Variants in NCOA1 observed in about 807,000 individuals in gnomAD.
NCOA1 encodes the protein Hin-2 protein.
A neutral mutation model predicts 150.9 loss-of-function variants in NCOA1; 35 were observed. The observed-to-expected ratio is 0.23, with a 90% confidence interval of 0.18 to 0.31. The LOEUF (loss-of-function observed/expected upper bound fraction) is 0.31. NCOA1 is among the 10% of genes least tolerant of loss of function. The probability of loss-of-function intolerance (pLI) is 1.00; values close to 1 mark genes in which losing one functional copy is unlikely to be tolerated. For missense variants in NCOA1, 1,491 were observed against 1,749.3 expected, an observed-to-expected ratio of 0.85 and a Z score of 2.63; for synonymous variants, 590 against 630.0, an observed-to-expected ratio of 0.94 and a Z score of 0.95.
chr2:24,658,350 T>G (rs982690616), intron 4 of NCOA1, among the ~76,000 whole-genome samples: 4 of 152,236 alleles, frequency 2.6e-5, no homozygotes, highest in African/African-American at 7.2e-5. Context: ...AAATGATTAT[T>G]TTCTCTTTGG....
intron 1 of NCOA1, among the ~76,000 whole-genome samples, chr2:24,531,196 T>A (rs1228042424): frequency 6.6e-6 from 1 of 152,046 alleles, no homozygotes; most frequent in East Asian, 1.9e-4. Context: ...CTAAAGAAAT[T>A]AAAAATAGAA....
intron 3 of NCOA1, among the ~76,000 whole-genome samples, chr2:24,637,538 G>A (rs374411934): frequency 6.6e-6 from 1 of 151,822 alleles, no homozygotes; most frequent in Non-Finnish European, 1.5e-5. Context: ...CATGTCCTTT[G>A]TAGGGACATG....
chr2:24,679,114 T>C (rs1044795204), intron 7 of NCOA1, among the ~76,000 whole-genome samples: 1 of 152,256 alleles, frequency 6.6e-6, no homozygotes, highest in African/African-American at 2.4e-5. Context: ...TGTGAACCCT[T>C]CCGTGTGACA....
intron 14 of NCOA1, among the ~76,000 whole-genome samples, chr2:24,725,708 A>AGTGTGT (rs1190323239): frequency 3.8e-5 from 3 of 78,218 alleles, no homozygotes; most frequent in African/African-American, 1.1e-4. Flanking sequence ...GTGGACCTAA[A>AGTGTGT]GTGTGCGTGT....
chr2:24,728,560 ACC>A, intron 16 of NCOA1, 84 bp downstream of exon 16: 1 of 1,185,234 alleles, frequency 8.4e-7, no homozygotes, highest in Non-Finnish European at 1.2e-6. Flanking sequence ...AAAGTATTGT[ACC>A]CACTATGCTT....
At chr2:24,632,457 A>T (rs1669749606) in intron 3 of NCOA1, among the ~76,000 whole-genome samples, 1 of 152,172 alleles carries the variant, frequency 6.6e-6, no homozygotes, top group South Asian at 2.1e-4. Flanking sequence ...CATCCTGACA[A>T]GTGGGAGGCT....
intron 1 of NCOA1, among the ~76,000 whole-genome samples, chr2:24,537,869 A>G (rs866006811): frequency 2.5e-4 from 38 of 152,182 alleles, no homozygotes; most frequent in African/African-American, 9.2e-4. Context: ...CTTGTTAAAA[A>G]AAGAAAACTA....
chr2:24,510,284 T>G (rs1663879285), intron 1 of NCOA1, among the ~76,000 whole-genome samples: 1 of 152,216 alleles, frequency 6.6e-6, no homozygotes, highest in Non-Finnish European at 1.5e-5. Context: ...CTCCTGACTT[T>G]AAGTGATCCG....
chr2:24,621,055 C>T (rs1669127853), intron 3 of NCOA1, among the ~76,000 whole-genome samples: 2 of 152,042 alleles, frequency 1.3e-5, no homozygotes, highest in South Asian at 4.1e-4. Context: ...TTTCCTTATT[C>T]CTTCTTTGGA....
intron 3 of NCOA1, among the ~76,000 whole-genome samples, chr2:24,636,234 G>A (rs1669934284): frequency 6.6e-6 from 1 of 152,108 alleles, no homozygotes; most frequent in South Asian, 2.1e-4. Flanking sequence ...CCATGAACAT[G>A]TTAAACCACT....
chr2:24,701,447 C>A (rs192502793), intron 11 of NCOA1, among the ~76,000 whole-genome samples: 132 of 148,008 alleles, frequency 8.9e-4, no homozygotes, highest in African/African-American at 3.2e-3. Context: ...GTGAAGACTT[C>A]AGTTAGCCTT....
chr2:24,581,879 G>GA (rs1021840401), intron 2 of NCOA1, among the ~76,000 whole-genome samples: 13 of 152,200 alleles, frequency 8.5e-5, no homozygotes, highest in East Asian at 5.8e-4. Flanking sequence ...AAAAGATGTA[G>GA]AAAAAATCAT....
chr2:24,514,405 A>T (rs1423278037), intron 1 of NCOA1, among the ~76,000 whole-genome samples: 1 of 152,092 alleles, frequency 6.6e-6, no homozygotes, highest in South Asian at 2.1e-4. Flanking sequence ...ATATTACTCG[A>T]TTAAGCTCTA....
At chr2:24,538,292 T>TA (rs2148186954) in intron 1 of NCOA1, among the ~76,000 whole-genome samples, 1 of 152,328 alleles carries the variant, frequency 6.6e-6, no homozygotes, top group African/African-American at 2.4e-5. Flanking sequence ...AGAATGCTCA[T>TA]AGACTAAAAT....
Position 24,707,068 on chromosome 2 carries a change from A to G in NCOA1, c.1598A>G (p.Tyr533Cys). 1.2e-6 allele frequency: 2 copies of G among 1,614,216 alleles called. No homozygotes were observed. Among genetic ancestry groups the G allele is most frequent in the Non-Finnish European group, 8.5e-7 (1 of 1,180,028 alleles). Residue 533 changes from tyrosine to cysteine, a missense_variant, in exon 13 of 23, where the codon TAT becomes TGT. Coordinates refer to ENST00000348332, the MANE Select transcript of NCOA1 (RefSeq NM_003743.5). ...GCCTGTAATAATAATAACCGATCTT[A>G]TTCAAACATCCCAGTAACATCTTTA... ...SSACNNNNRS[Y>C]SNIPVTSLQG...
chr2:24,528,560 C>G (rs1224225279), intron 1 of NCOA1, among the ~76,000 whole-genome samples: 2 of 151,766 alleles, frequency 1.3e-5, no homozygotes, highest in Non-Finnish European at 2.9e-5. Flanking sequence ...GTTGCCCAGG[C>G]TGGTCTCAAA....
chr2:24,750,633 T>A (rs970128034), intron 19 of NCOA1, among the ~76,000 whole-genome samples: 7 of 152,164 alleles, frequency 4.6e-5, no homozygotes, highest in African/African-American at 1.7e-4. Context: ...AGCAAATCTT[T>A]TAGAGACAGA....
chr2:24,588,612 CACTT>C (rs779740461), intron 3 of NCOA1, among the ~76,000 whole-genome samples: 4 of 152,320 alleles, frequency 2.6e-5, no homozygotes, highest in Non-Finnish European at 5.9e-5. Flanking sequence ...CTGTGGCTGA[CACTT>C]ACTTGTCTTT....
At chr2:24,701,885 C>G (rs1673180939) in intron 11 of NCOA1, among the ~76,000 whole-genome samples, 2 of 152,150 alleles carry the variant, frequency 1.3e-5, no homozygotes, top group Admixed American at 1.3e-4. Flanking sequence ...TGGCATGAGC[C>G]TGTAATCCCA....
Sources: gnomAD v4.1 joint callset for allele counts (sites outside exome capture counted in the v4.1 genomes callset) on GRCh38, gnomAD v4.1.1 for gene constraint, MANE v1.5 for transcripts, NCBI Gene and HGNC (gene_info 2026-07-23, HGNC 2026-07-21) for gene names.